Variants in DOCK2 observed in about 807,000 individuals in gnomAD.
DOCK2 encodes dedicator of cytokinesis 2.
A neutral mutation model predicts 248.9 loss-of-function variants in DOCK2; 87 were observed. The ratio of observed to expected loss-of-function variants is 0.35; its 90% CI spans 0.29 to 0.42. The LOEUF (loss-of-function observed/expected upper bound fraction) is 0.42, where lower values mean the gene tolerates loss of function less well. Among genes scored for constraint, DOCK2 ranks in the 10% least tolerant of loss-of-function variants. DOCK2 has a pLI of 1.00. For synonymous variants in DOCK2, 805 were observed against 821.6 expected, an observed-to-expected ratio of 0.98 and a Z score of 0.35; for missense variants, 1,747 against 2,300.2, an observed-to-expected ratio of 0.76 and a Z score of 4.92.
chr5:169,690,245 C>A (rs1760213647), intron 9 of DOCK2, among the ~76,000 whole-genome samples: 1 of 152,016 alleles, frequency 6.6e-6, no homozygotes, highest in African/African-American at 2.4e-5. Flanking sequence ...TTAGCATTGT[C>A]TGTAAGCTTC....
intron 26 of DOCK2, among the ~76,000 whole-genome samples, chr5:169,837,777 C>CA (rs1283404569): frequency 2.0e-5 from 3 of 152,132 alleles, no homozygotes; most frequent in Non-Finnish European, 4.4e-5. Flanking sequence ...TCTCTAATCT[C>CA]AAAACACTCT....
chr5:169,706,743 G>T (rs1351160539), intron 14 of DOCK2, among the ~76,000 whole-genome samples: 1 of 152,220 alleles, frequency 6.6e-6, no homozygotes, highest in Non-Finnish European at 1.5e-5. Context: ...AAGGACTGCT[G>T]TGTATTCTGT....
intron 27 of DOCK2, among the ~76,000 whole-genome samples, chr5:169,859,952 A>G: frequency 7.4e-6 from 1 of 135,546 alleles, no homozygotes; most frequent in East Asian, 2.1e-4. Flanking sequence ...TTTCTGGTGG[A>G]TCCTTCTTTT....
At chr5:169,718,059 AAAAACAAAAC>A (rs145928943) in intron 21 of DOCK2, among the ~76,000 whole-genome samples, 1 of 150,374 alleles carries the variant, frequency 6.7e-6, no homozygotes, top group Non-Finnish European at 1.5e-5. Flanking sequence ...GACTCATCTC[AAAAACAAAAC>A]AAAACAAAAC....
chr5:169,880,534 C>T (rs1240993175), intron 27 of DOCK2, among the ~76,000 whole-genome samples: 1 of 152,214 alleles, frequency 6.6e-6, no homozygotes, highest in Non-Finnish European at 1.5e-5. Context: ...CTGCTTTTGA[C>T]CACTTTTCTA....
intron 13 of DOCK2, among the ~76,000 whole-genome samples, chr5:169,700,883 GGAGAGA>G (rs372793221): frequency 7.4e-5 from 11 of 148,730 alleles, no homozygotes; most frequent in African/African-American, 2.2e-4. Context: ...GCGGGGGCAG[GGAGAGA>G]GAGAGAGAGA....
chr5:169,683,387 G>C (rs1390784637), intron 7 of DOCK2, among the ~76,000 whole-genome samples: 1 of 107,296 alleles, frequency 9.3e-6, no homozygotes, highest in Non-Finnish European at 2.0e-5. Flanking sequence ...ATGCCAACAT[G>C]CCTGGCTAAT....
chr5:170,079,994 T>A, intron 49 of DOCK2, 169 bp from the exon 50 acceptor site: 133 of 1,045,828 alleles, frequency 1.3e-4, no homozygotes, highest in Middle Eastern at 2.3e-4. Flanking sequence ...TGTGCAACCA[T>A]ATGTGGCAGG....
chr5:170,007,866 C>A (rs532378363), intron 30 of DOCK2, among the ~76,000 whole-genome samples: 3 of 152,190 alleles, frequency 2.0e-5, no homozygotes, highest in Non-Finnish European at 4.4e-5. Context: ...GTCCCACCCC[C>A]AGAGGTTCTG....
rs374175915 is a variant in DOCK2, at chr5:169,702,405, C to T, written c.1361C>T (p.Ala454Val). The change falls in exon 14 of 52, where the codon GCG becomes GTG. Residue 454 changes from alanine (A) to valine (V), a missense_variant. By Grantham distance (64) the Ala-to-Val change is moderately conservative (BLOSUM62 0). Coordinates refer to ENST00000520908, the MANE Select transcript of DOCK2 (RefSeq NM_004946.3). ...GTGGAAGTCATCATGTGTGTGTGCGCGGAGGATGGCAAAACGCTGCCTGTA... is the reference window on the plus strand; with the variant it reads ...GTGGAAGTCATCATGTGTGTGTGCGTGGAGGATGGCAAAACGCTGCCTGTA... ...RNVEVIMCVCAEDGKTLPNAI... is the reference protein window; with the variant it reads ...RNVEVIMCVCVEDGKTLPNAI... 8.1e-5 allele frequency: 131 copies of T among 1,613,858 alleles called. No individual in the cohort carries two copies. The highest frequency in any genetic ancestry group is 6.6e-4 in the Middle Eastern group (4 of 6,058).
At chr5:169,866,010 A>G (rs2113430653) in intron 27 of DOCK2, among the ~76,000 whole-genome samples, 1 of 151,740 alleles carries the variant, frequency 6.6e-6, no homozygotes, top group East Asian at 1.9e-4. Flanking sequence ...GAGATGGAAG[A>G]GGCAGGGCTG....
chr5:169,728,137 T>TA (rs1762585598), intron 22 of DOCK2, among the ~76,000 whole-genome samples: 1 of 152,236 alleles, frequency 6.6e-6, no homozygotes, highest in African/African-American at 2.4e-5. Context: ...GATCTGACTC[T>TA]GGACTTTCTG....
chr5:169,658,216 T>A (rs1200629473), intron 2 of DOCK2, among the ~76,000 whole-genome samples: 1 of 152,092 alleles, frequency 6.6e-6, no homozygotes, highest in Non-Finnish European at 1.5e-5. Flanking sequence ...TAAATAAAAT[T>A]TTTATTTATA....
chr5:170,012,990 G>A lies in DOCK2; in HGVS notation c.3232+4244G>A, dbSNP rs1485776912. On this transcript the variant is annotated intron_variant, in intron 32 of 51. Transcript: ENST00000520908. ...AGCTTGGTGCGGAGGTCCAGGGAGT[G>A]GAGCTATCTAGTAGGGAAAAGTGAC... Among the ~76,000 whole-genome samples, 6 of 152,062 alleles carry A rather than the reference G, an allele frequency of 3.9e-5. No homozygotes were observed. The East Asian group carries it at 1.2e-3, about 29-fold the overall frequency.
At chr5:169,823,529 G>A (rs77873561) in intron 26 of DOCK2, among the ~76,000 whole-genome samples, 74,848 of 151,978 alleles carry the variant, frequency 0.49, 19,733 homozygotes, top group African/African-American at 0.69. Flanking sequence ...CCACATGACT[G>A]TCTCAATAGA....
At chr5:169,648,933 T>G (rs1327908672) in intron 1 of DOCK2, among the ~76,000 whole-genome samples, 2 of 152,196 alleles carry the variant, frequency 1.3e-5, no homozygotes, top group Non-Finnish European at 2.9e-5. Flanking sequence ...CCGCCCGGGT[T>G]TGAGCTCTGG....
At chr5:169,827,915 A>T (rs370379) in intron 26 of DOCK2, among the ~76,000 whole-genome samples, 1 of 151,890 alleles carries the variant, frequency 6.6e-6, no homozygotes, top group Admixed American at 6.5e-5. Context: ...ACCGAGGCAC[A>T]CACTCTGTTG....
intron 26 of DOCK2, among the ~76,000 whole-genome samples, chr5:169,811,838 T>C (rs1461497490): frequency 1.3e-5 from 2 of 152,232 alleles, no homozygotes; most frequent in Non-Finnish European, 2.9e-5. Context: ...CCACTCTGCA[T>C]CTACACATCG....
At chr5:169,841,445 CA>C (rs1157566540) in intron 27 of DOCK2, 1 of 985,620 alleles carries the variant, frequency 1.0e-6, no homozygotes, top group Non-Finnish European at 1.2e-6. Context: ...TGCTTTAAAC[CA>C]AGGACCCAAA....
Sources: gnomAD v4.1 joint callset for allele counts (sites outside exome capture counted in the v4.1 genomes callset) on GRCh38, gnomAD v4.1.1 for gene constraint, MANE v1.5 for transcripts, NCBI Gene and HGNC (gene_info 2026-07-23, HGNC 2026-07-21) for gene names.